The following BTBD9 variants were observed in gnomAD, a reference collection of about 807,000 sequenced individuals.
BTBD9 encodes the protein BTB/POZ domain-containing protein 9.
A neutral mutation model predicts 64.3 loss-of-function variants in BTBD9; 49 were observed. The observed-to-expected ratio is 0.76, with a 90% confidence interval of 0.61 to 0.97. The LOEUF is 0.97. BTBD9 is among the 50% of genes least tolerant of loss of function. BTBD9 has a pLI of 0.00. For missense variants in BTBD9, 598 were observed against 762.1 expected (o/e 0.78, Z 2.53); for synonymous variants, 260 against 274.7 (o/e 0.95, Z 0.53).
intron 8 of BTBD9, among the ~76,000 whole-genome samples, chr6:38,281,987 C>T (rs1386288712): frequency 6.6e-6 from 1 of 152,110 alleles, no homozygotes; most frequent in Non-Finnish European, 1.5e-5. Context: ...GATAGGTATA[C>T]TTAATGCATA....
At chr6:38,507,786 T>A (rs1435058671) in intron 6 of BTBD9, among the ~76,000 whole-genome samples, 1 of 152,116 alleles carries the variant, frequency 6.6e-6, no homozygotes, top group East Asian at 1.9e-4. Flanking sequence ...TCTCATGTAC[T>A]TGTAGAGTTT....
chr6:38,175,888 G>C lies in BTBD9; in HGVS notation c.1642-706C>G, dbSNP rs139285269. 9.0e-3 allele frequency among the ~76,000 whole-genome samples: 1,374 copies of C among 152,346 alleles called. 23 individuals carry two copies. The highest frequency in any genetic ancestry group is 0.031 in the African/African-American group (1,308 of 41,568). On this transcript the variant is annotated intron_variant, in intron 10 of 10. Transcript: ENST00000481247. The stretch of plus-strand genomic sequence containing the variant: ...TGGACTTCAACCTCATGTGGCTCCA[G>C]CCAGCCTGGAACAAACGCCCCCAAT...
At chr6:38,329,912 T>C (rs1763604987) in intron 7 of BTBD9, among the ~76,000 whole-genome samples, 1 of 151,968 alleles carries the variant, frequency 6.6e-6, no homozygotes, top group Admixed American at 6.5e-5. Flanking sequence ...GAGATAGCAC[T>C]ATCGCGCTCC....
intron 6 of BTBD9, among the ~76,000 whole-genome samples, chr6:38,417,544 C>T (rs543456388): frequency 6.6e-6 from 1 of 152,268 alleles, no homozygotes; most frequent in East Asian, 1.9e-4. Flanking sequence ...GAGGCTGAGG[C>T]TAGTGGATCA....
intron 6 of BTBD9, among the ~76,000 whole-genome samples, chr6:38,366,007 A>G (rs1489963543): frequency 6.6e-6 from 1 of 152,188 alleles, no homozygotes; most frequent in Non-Finnish European, 1.5e-5. Flanking sequence ...CTTCTCACTC[A>G]AAAGGATGAA....
In BTBD9 at chr6:38,210,581, C is replaced by T. The variant is rs200719491; in HGVS notation, c.1563-17984G>A. Among the ~76,000 whole-genome samples, 9 of 136,042 alleles carry T rather than the reference C, an allele frequency of 6.6e-5. No individual in the cohort carries two copies. The East Asian group carries it at 1.4e-3, about 21-fold the overall frequency. The allele number at this position is 136,042 out of a possible 152,430, so 89.2% of individuals were successfully genotyped here. A position where few individuals can be genotyped will look rare whatever the true frequency, so the allele number is the denominator to read the frequency against. ...GTGTGTGTGTGTGTGTGTGTGTCTG[C>T]ATCTGGGCAAGAGTTTTTGTGTAGT... On this transcript the variant is annotated intron_variant, in intron 9 of 10. Transcript: ENST00000481247.
intron 6 of BTBD9, among the ~76,000 whole-genome samples, chr6:38,380,882 A>G (rs1357616105): frequency 6.6e-6 from 1 of 152,140 alleles, no homozygotes; most frequent in Non-Finnish European, 1.5e-5. Flanking sequence ...AAATGGTTTA[A>G]CTTTAGAATA....
At chr6:38,483,650 G>A (rs532057407) in intron 6 of BTBD9, among the ~76,000 whole-genome samples, 3 of 152,204 alleles carry the variant, frequency 2.0e-5, no homozygotes, top group Admixed American at 2.0e-4. Flanking sequence ...ACACCCTACA[G>A]ACTATCTACC....
intron 9 of BTBD9, among the ~76,000 whole-genome samples, chr6:38,204,630 G>A (rs1301360825): frequency 6.6e-6 from 1 of 152,156 alleles, no homozygotes; most frequent in Non-Finnish European, 1.5e-5. Context: ...TGATTATGGT[G>A]ATGGATGCAA....
At chr6:38,450,772 C>G (rs545620237) in intron 6 of BTBD9, among the ~76,000 whole-genome samples, 1 of 152,238 alleles carries the variant, frequency 6.6e-6, no homozygotes, top group East Asian at 1.9e-4. Context: ...ATGCAAGTTC[C>G]TGAATCACTC....
chr6:38,308,541 C>T (rs1044128171), intron 7 of BTBD9, among the ~76,000 whole-genome samples: 2 of 152,154 alleles, frequency 1.3e-5, no homozygotes, highest in African/African-American at 4.8e-5. Flanking sequence ...ATTTATTTTT[C>T]CTTCTTCCCT....
intron 1 of BTBD9, among the ~76,000 whole-genome samples, chr6:38,636,386 G>C (rs897555213): frequency 6.6e-6 from 1 of 152,090 alleles, no homozygotes; most frequent in Non-Finnish European, 1.5e-5. Context: ...TTACTTAGTG[G>C]ATCTCTCTTT....
At chr6:38,199,276 C>T (rs768965269) in intron 9 of BTBD9, among the ~76,000 whole-genome samples, 1 of 152,108 alleles carries the variant, frequency 6.6e-6, no homozygotes, top group African/African-American at 2.4e-5. Context: ...CCTCAATTGG[C>T]TTTCAGGCCC....
intron 1 of BTBD9, among the ~76,000 whole-genome samples, chr6:38,611,360 C>G (rs563066228): frequency 6.6e-6 from 1 of 152,164 alleles, no homozygotes; most frequent in African/African-American, 2.4e-5. Context: ...ATGGATTTCT[C>G]TTTTACATAA....
chr6:38,532,216 T>C lies in BTBD9; in HGVS notation c.1154+45384A>G, dbSNP rs188746517. Among the ~76,000 whole-genome samples, 7 of 152,318 alleles carry C rather than the reference T, an allele frequency of 4.6e-5. No individual in the cohort carries two copies. The East Asian group carries it at 1.4e-3, about 29-fold the overall frequency. ...AAAACAAAACTGGGCTGAACTCAGC[T>C]GATGGCCACAACAGCAGGAGCATTT... On this transcript the variant is annotated intron_variant, in intron 6 of 10. Coordinates refer to ENST00000481247, the MANE Select transcript of BTBD9 (RefSeq NM_001099272.2).
intron 6 of BTBD9, among the ~76,000 whole-genome samples, chr6:38,452,299 C>T (rs1944512380): frequency 6.6e-6 from 1 of 152,074 alleles, no homozygotes; most frequent in Non-Finnish European, 1.5e-5. Flanking sequence ...GGGATTCCAA[C>T]CCATATCTAT....
chr6:38,230,405 G>A (rs766872057), intron 9 of BTBD9, among the ~76,000 whole-genome samples: 2 of 142,914 alleles, frequency 1.4e-5, no homozygotes, highest in Non-Finnish European at 3.0e-5. Context: ...GGAGGCAGGA[G>A]AATTGCTTGA....
At chr6:38,256,079 G>C (rs945036291) in intron 9 of BTBD9, among the ~76,000 whole-genome samples, 1 of 150,512 alleles carries the variant, frequency 6.6e-6, no homozygotes, top group African/African-American at 2.5e-5. Context: ...AAAAAAAAAA[G>C]TAGTGTGGGG....
At chr6:38,192,980 C>G (rs949597586) in intron 9 of BTBD9, among the ~76,000 whole-genome samples, 4 of 151,792 alleles carry the variant, frequency 2.6e-5, no homozygotes, top group Admixed American at 2.6e-4. Flanking sequence ...GGGTGCAGCA[C>G]ACCAGCATGG....
Sources: allele counts gnomAD v4.1 joint callset (sites outside exome capture counted in the v4.1 genomes callset), GRCh38; gene constraint gnomAD v4.1.1; transcripts MANE v1.5; gene names NCBI Gene and HGNC (gene_info 2026-07-23, HGNC 2026-07-21).